LRP1B: variants seen among roughly 807,000 people sequenced by gnomAD.
LRP1B encodes the protein low-density lipoprotein receptor-related protein 1B.
A neutral mutation model predicts 556.6 loss-of-function variants in LRP1B; 217 were observed. That is an observed-to-expected ratio of 0.39 (90% CI 0.35 to 0.44). The LOEUF is 0.44. Among genes scored for constraint, LRP1B ranks in the 20% least tolerant of loss-of-function variants. LRP1B has a pLI of 1.00. For synonymous variants in LRP1B, 2,047 were observed against 1,865.8 expected, an observed-to-expected ratio of 1.10 and a Z score of -2.50; for missense variants, 5,053 against 5,620.8, an observed-to-expected ratio of 0.90 and a Z score of 3.23.
intron 1 of LRP1B, among the ~76,000 whole-genome samples, chr2:142,089,599 T>C (rs1706083004): frequency 6.6e-6 from 1 of 152,174 alleles, no homozygotes; most frequent in Non-Finnish European, 1.5e-5. Context: ...ACGCATCCCA[T>C]TCATGGACAA....
At chr2:141,872,160 G>A (rs776444930) in intron 1 of LRP1B, among the ~76,000 whole-genome samples, 1 of 151,858 alleles carries the variant, frequency 6.6e-6, no homozygotes, top group Non-Finnish European at 1.5e-5. Flanking sequence ...GGAAAAAATA[G>A]GTAACTGTGG....
intron 2 of LRP1B, among the ~76,000 whole-genome samples, chr2:141,740,625 C>G (rs532244424): frequency 7.4e-4 from 112 of 152,248 alleles, no homozygotes; most frequent in African/African-American, 2.6e-3. Context: ...TAAAAATATA[C>G]ACATAAATTA....
At chr2:141,049,588 T>C (rs1698977474) in intron 10 of LRP1B, among the ~76,000 whole-genome samples, 3 of 152,076 alleles carry the variant, frequency 2.0e-5, no homozygotes, top group Admixed American at 1.3e-4. Flanking sequence ...TTTCTGTCGA[T>C]ACTAACTGTA....
chr2:140,520,141 A>T (rs1419714658), intron 49 of LRP1B, among the ~76,000 whole-genome samples: 1 of 152,184 alleles, frequency 6.6e-6, no homozygotes, highest in Non-Finnish European at 1.5e-5. Flanking sequence ...ATGCTACTAT[A>T]AACACACATG....
chr2:140,339,038 C>T (rs922166650), intron 77 of LRP1B, among the ~76,000 whole-genome samples: 4 of 151,722 alleles, frequency 2.6e-5, no homozygotes, highest in African/African-American at 9.7e-5. Flanking sequence ...CTGCTTTCTT[C>T]AGACAGACGA....
intron 7 of LRP1B, among the ~76,000 whole-genome samples, chr2:141,063,521 G>A (rs1469679332): frequency 2.6e-5 from 4 of 151,750 alleles, no homozygotes; most frequent in African/African-American, 9.7e-5. Context: ...TTATTTAGGT[G>A]AAGATCTTTC....
chr2:141,307,292 T>G (rs1686627099), intron 3 of LRP1B, among the ~76,000 whole-genome samples: 1 of 152,128 alleles, frequency 6.6e-6, no homozygotes, highest in Non-Finnish European at 1.5e-5. Context: ...GGTACTCCAG[T>G]GTTGGGTGCA....
At chr2:142,094,270 T>C (rs1000250487) in intron 1 of LRP1B, among the ~76,000 whole-genome samples, 1 of 152,098 alleles carries the variant, frequency 6.6e-6, no homozygotes, top group African/African-American at 2.4e-5. Flanking sequence ...TTTAAATTCC[T>C]TTTCAATAAC....
chr2:140,238,990 A>C (rs551424719), intron 88 of LRP1B, among the ~76,000 whole-genome samples: 11 of 150,936 alleles, frequency 7.3e-5, no homozygotes, highest in African/African-American at 2.7e-4. Flanking sequence ...TTTTCATATA[A>C]ATTGAAATGA....
chr2:141,354,572 A>G (rs1688558362), intron 3 of LRP1B, among the ~76,000 whole-genome samples: 1 of 152,094 alleles, frequency 6.6e-6, no homozygotes, highest in Non-Finnish European at 1.5e-5. Context: ...CAGAACTAAG[A>G]AATGTGTTTT....
intron 2 of LRP1B, among the ~76,000 whole-genome samples, chr2:141,772,945 T>C (rs1199999463): frequency 6.6e-6 from 1 of 152,200 alleles, no homozygotes; most frequent in Non-Finnish European, 1.5e-5. Context: ...TGTGTTACCC[T>C]TCCTCCTCTT....
At chr2:142,076,110 G>A (rs1352495572) in intron 1 of LRP1B, among the ~76,000 whole-genome samples, 1 of 151,974 alleles carries the variant, frequency 6.6e-6, no homozygotes, top group Non-Finnish European at 1.5e-5. Context: ...AATAAAATGT[G>A]ACCTTTACTG....
chr2:141,849,244 G>T (rs903689778), intron 1 of LRP1B, among the ~76,000 whole-genome samples: 1 of 151,162 alleles, frequency 6.6e-6, no homozygotes, highest in Non-Finnish European at 1.5e-5. Flanking sequence ...GGGTTTTCTT[G>T]GTGTATAATC....
intron 41 of LRP1B, among the ~76,000 whole-genome samples, chr2:140,626,294 T>C (rs957953427): frequency 6.6e-6 from 1 of 152,160 alleles, no homozygotes; most frequent in African/African-American, 2.4e-5. Context: ...CAATGGTAGA[T>C]AAATGTCATT....
At chr2:140,293,016 T>C (rs1046434027) in intron 84 of LRP1B, among the ~76,000 whole-genome samples, 1 of 152,308 alleles carries the variant, frequency 6.6e-6, no homozygotes, top group Non-Finnish European at 1.5e-5. Context: ...ACTTAATGTC[T>C]GTACTTACTG....
intron 32 of LRP1B, among the ~76,000 whole-genome samples, chr2:140,799,452 G>A (rs574626617): frequency 2.6e-5 from 4 of 152,166 alleles, no homozygotes; most frequent in Non-Finnish European, 4.4e-5. Context: ...TCCAGAGCTC[G>A]AAAAAATACA....
intron 11 of LRP1B, among the ~76,000 whole-genome samples, chr2:141,040,284 T>A (rs962619359): frequency 3.3e-5 from 5 of 152,074 alleles, no homozygotes; most frequent in African/African-American, 1.2e-4. Context: ...TGTTCTTAAT[T>A]TAAAATGTTT....
chr2:142,062,261 G>T (rs1574645143), intron 1 of LRP1B, among the ~76,000 whole-genome samples: 2 of 151,762 alleles, frequency 1.3e-5, no homozygotes, highest in African/African-American at 4.8e-5. Flanking sequence ...TTAGAAATCA[G>T]CCTAGCTGCT....
At chr2:141,276,770 C>T (rs536819943) in intron 3 of LRP1B, among the ~76,000 whole-genome samples, 1 of 151,402 alleles carries the variant, frequency 6.6e-6, no homozygotes, top group East Asian at 2.0e-4. Flanking sequence ...CATTCTCCTG[C>T]CTCAGCCTCC....
Sources: gnomAD v4.1 joint callset for allele counts (sites outside exome capture counted in the v4.1 genomes callset) on GRCh38, gnomAD v4.1.1 for gene constraint, MANE v1.5 for transcripts, NCBI Gene and HGNC (gene_info 2026-07-23, HGNC 2026-07-21) for gene names.